ENDOG: variants seen among roughly 807,000 people sequenced by gnomAD.
The protein encoded by ENDOG is endonuclease G.
Under a neutral mutation model 22.6 loss-of-function variants are expected in ENDOG, and 22 were observed. That is an observed-to-expected ratio of 0.97 (90% confidence interval 0.70 to 1.39). ENDOG has a LOEUF of 1.39. Ranked by LOEUF, ENDOG falls within the 40% of genes most tolerant of loss-of-function variation. The pLI is 0.00. For missense variants in ENDOG, 403 were observed against 431.3 expected (o/e 0.93, Z 0.58); for synonymous variants, 173 against 200.2 (o/e 0.86, Z 1.15).
intron 2 of ENDOG, chr9:128,821,636 G>GGGGCTGAGAGGCAACAGGTCC (rs1830120593): frequency 6.4e-6 from 1 of 155,184 alleles, no homozygotes; most frequent in African/African-American, 2.4e-5. Flanking sequence ...GCAGAGGGCT[G>GGGGCTGAGAGGCAACAGGTCC]GGGCTGAGAG....
chr9:128,819,009 G>A lies in ENDOG; in HGVS notation c.325G>A (p.Asp109Asn). 4 of 1,484,088 alleles carry A rather than the reference G, an allele frequency of 2.7e-6. No homozygotes were observed. The highest frequency in any genetic ancestry group is 3.6e-6 in the Non-Finnish European group (4 of 1,125,302). 91.9% of individuals were successfully genotyped at this position (1,484,088 alleles called of 1,614,324 possible). A position where few individuals can be genotyped will look rare whatever the true frequency, so the allele number is the denominator to read the frequency against. Residue 109 changes from aspartate to asparagine, a missense_variant, in exon 1 of 3, where the codon GAC (aspartate) becomes AAC (asparagine). Physicochemically the swap from Asp to Asn is conservative, Grantham distance 23. Coordinates refer to ENST00000372642, the MANE Select transcript of ENDOG (RefSeq NM_004435.2). Reference protein sequence around the residue: ...LRPERLRGDGDRRECDFREDD... With the variant: ...LRPERLRGDGNRRECDFREDD... The stretch of plus-strand genomic sequence containing the variant: ...ACCCGAGCGTCTCCGCGGCGACGGC[G>A]ACCGGCGCGAGTGCGACTTCCGCGA...
intron 2 of ENDOG, 57 bp downstream of exon 2, chr9:128,820,905 C>A: frequency 6.8e-7 from 1 of 1,466,318 alleles, no homozygotes; most frequent in Non-Finnish European, 9.4e-7. Flanking sequence ...GCCCCTACTG[C>A]CACTCACAGG....
intron 2 of ENDOG, chr9:128,821,863 A>C (rs1284795005): frequency 5.4e-6 from 1 of 185,364 alleles, no homozygotes; most frequent in East Asian, 1.4e-4. Context: ...GGCACTGATC[A>C]AATTTCATTA....
At chr9:128,820,394 GGTTGGTA>G (rs1420470752) in intron 1 of ENDOG, 16 of 248,704 alleles carry the variant, frequency 6.4e-5, no homozygotes, top group Non-Finnish European at 1.2e-4. Context: ...AAAAGGAACG[GGTTGGTA>G]GTTGGAAGGG....
chr9:128,818,870 C>T lies in ENDOG; in HGVS notation c.186C>T (p.Gly62=), dbSNP rs1372832040. The change falls in exon 1 of 3, where the codon GGC becomes GGT. Residue 62 remains glycine, a synonymous_variant. Transcript: ENST00000372642. The part of the protein sequence containing the change: ...PPVPGGPRGP[G]ELAKYGLPGL... ...TGCCCGGGGGACCCCGCGGCCCGGG[C>T]GAGCTGGCCAAGTACGGGCTGCCGG... The T allele has an allele frequency of 2.1e-6, 3 of 1,431,050 alleles. No individual in the cohort carries two copies. Among genetic ancestry groups the T allele is most frequent in the East Asian group, 6.1e-5 (2 of 32,782 alleles). 88.6% of individuals were successfully genotyped at this position (1,431,050 alleles called of 1,614,324 possible).
intron 1 of ENDOG, 132 bp from the exon 2 acceptor site, chr9:128,820,607 G>A: frequency 1.4e-6 from 1 of 725,546 alleles, no homozygotes; most frequent in Non-Finnish European, 2.3e-6. Context: ...CATTCCTTGA[G>A]CCTCAGTTTC....
Position 128,822,470 on chromosome 9 carries a change from G to T in ENDOG, c.754G>T (p.Ala252Ser). 1 of 1,572,932 alleles carries T rather than the reference G, an allele frequency of 6.4e-7. No individual in the cohort carries two copies. Among genetic ancestry groups the T allele is most frequent in the Non-Finnish European group, 8.6e-7 (1 of 1,158,778 alleles). The part of the protein sequence containing the change: ...IELRTYVMPN[A>S]PVDEAIPLER... The stretch of plus-strand genomic sequence containing the variant: ...GCTCCGCACCTACGTGATGCCCAAC[G>T]CACCTGTGGATGAGGCCATCCCACT... The change falls in exon 3 of 3, where the codon GCA (alanine) becomes TCA (serine). Residue 252 changes from alanine (A) to serine (S), a missense_variant. Transcript: ENST00000372642.
intron 1 of ENDOG, 188 bp from the exon 2 acceptor site, chr9:128,820,551 G>C (rs745414677): frequency 1.7e-5 from 10 of 594,172 alleles, no homozygotes; most frequent in Non-Finnish European, 2.7e-5. Flanking sequence ...GGGACAGAGG[G>C]TGGTGGCTAG....
Position 128,818,808 on chromosome 9 carries a change from G to T in ENDOG, c.124G>T (p.Val42Leu). The change falls in exon 1 of 3, where the codon GTG (valine) becomes TTG (leucine). Residue 42 changes from valine (V) to leucine (L), a missense_variant. Val to Leu is a conservative substitution (Grantham distance 32, BLOSUM62 1). Coordinates refer to ENST00000372642, the MANE Select transcript of ENDOG (RefSeq NM_004435.2). ...GCCGGGACTGCTGGGCCGGCTGCCC[G>T]TGCTGCCCGTGGCGGCGGCAGCCGA... ...AAPGLLGRLP[V>L]LPVAAAAELP... The T allele has an allele frequency of 3.9e-6, 5 of 1,278,458 alleles. No individual in the cohort carries two copies. The highest frequency in any genetic ancestry group is 3.9e-6 in the Non-Finnish European group (4 of 1,013,316). The allele number at this position is 1,278,458 out of a possible 1,614,324, so 79.2% of individuals were successfully genotyped here. A position where few individuals can be genotyped will look rare whatever the true frequency, so the allele number is the denominator to read the frequency against.
At position 128,818,950 on chromosome 9, in the gene ENDOG, C is replaced by G; in HGVS notation, c.266C>G (p.Thr89Ser). 1.3e-6 allele frequency: 2 copies of G among 1,492,674 alleles called. No homozygotes were observed. The highest frequency in any genetic ancestry group is 2.5e-5 in the South Asian group (2 of 79,838). 92.5% of individuals were successfully genotyped at this position (1,492,674 alleles called of 1,614,324 possible). ...TACGTGCTGTGCTACGACCCGCGCA[C>G]CCGCGGCGCGCTCTGGGTGGTGGAG... ...ESYVLCYDPR[T>S]RGALWVVEQL... Residue 89 changes from threonine (T) to serine (S), a missense_variant, in exon 1 of 3, where the codon ACC becomes AGC. Thr to Ser is a moderately conservative substitution (Grantham distance 58, BLOSUM62 1). Transcript: ENST00000372642.
intron 2 of ENDOG, chr9:128,821,192 T>G: frequency 1.3e-5 from 4 of 306,294 alleles, no homozygotes; most frequent in Non-Finnish European, 2.5e-5. Context: ...CTCTCCCACC[T>G]TCCCCCCGCA....
intron 2 of ENDOG, 35 bp from the exon 3 acceptor site, chr9:128,822,293 G>C: frequency 6.3e-7 from 1 of 1,599,734 alleles, no homozygotes; most frequent in Non-Finnish European, 8.5e-7. Context: ...GTTCATCCAG[G>C]CCCCCTGCCC....
chr9:128,819,507 G>A (rs912461762), intron 1 of ENDOG: 3 of 337,356 alleles, frequency 8.9e-6, no homozygotes, highest in Non-Finnish European at 1.6e-5. Context: ...GCAAAGTGAC[G>A]GGCACAGTGT....
intron 1 of ENDOG, chr9:128,820,211 T>G (rs1009107197): frequency 3.2e-5 from 5 of 154,138 alleles, no homozygotes; most frequent in African/African-American, 1.2e-4. Context: ...CACCAATGGA[T>G]GGAGACTGCC....
At position 128,818,808 on chromosome 9, in the gene ENDOG, G is replaced by A. The variant is rs1327013077; in HGVS notation, c.124G>A (p.Val42Met). 9.4e-6 allele frequency: 12 copies of A among 1,278,350 alleles called. No homozygotes were observed. Among genetic ancestry groups the A allele is most frequent in the African/African-American group, 3.1e-5 (2 of 63,932 alleles). 79.2% of individuals were successfully genotyped at this position (1,278,350 alleles called of 1,614,324 possible). The change falls in exon 1 of 3, where the codon GTG (valine) becomes ATG (methionine). Residue 42 changes from valine to methionine, a missense_variant. Transcript: ENST00000372642. ...AAPGLLGRLP[V>M]LPVAAAAELP... ...GCCGGGACTGCTGGGCCGGCTGCCC[G>A]TGCTGCCCGTGGCGGCGGCAGCCGA...
At chr9:128,820,971 T>C in intron 2 of ENDOG, 123 bp downstream of exon 2, 1 of 849,508 alleles carries the variant, frequency 1.2e-6, no homozygotes. Context: ...TCTGGTTTCT[T>C]GGCAAGCCTG....
At chr9:128,819,288 C>T (rs1477545227) in intron 1 of ENDOG, 103 bp downstream of exon 1, 4 of 1,362,228 alleles carry the variant, frequency 2.9e-6, no homozygotes, top group African/African-American at 3.1e-5. Flanking sequence ...GCCCAACGCG[C>T]CCCCGGTCAG....
rs146543002 is a variant in ENDOG at position 128,822,468 on chromosome 9, A to G, written c.752A>G (p.Asn251Ser). 198 of 1,574,058 alleles carry G rather than the reference A, an allele frequency of 1.3e-4. No homozygotes were observed. In the East Asian group the frequency reaches 4.3e-3, roughly 34 times the overall value. ...QIELRTYVMP[N>S]APVDEAIPLE... ...GAGCTCCGCACCTACGTGATGCCCA[A>G]CGCACCTGTGGATGAGGCCATCCCA... The change falls in exon 3 of 3, where the codon AAC (asparagine) becomes AGC (serine). Residue 251 changes from asparagine to serine, a missense_variant. Asn to Ser is a conservative substitution (Grantham distance 46, BLOSUM62 1). Transcript: ENST00000372642.
At position 128,820,792 on chromosome 9, in the gene ENDOG, C is replaced by A. The variant is rs114639346; in HGVS notation, c.555C>A (p.Ser185Arg). 1.1e-3 allele frequency: 1,827 copies of A among 1,612,560 alleles called. 42 individuals are homozygous for A. In the East Asian group the frequency reaches 0.037, roughly 33 times the overall value. The change falls in exon 2 of 3, where the codon AGC (serine) becomes AGA (arginine). Residue 185 changes from serine (S) to arginine (R), a missense_variant. By Grantham distance (110) the Ser-to-Arg change is moderately radical. Transcript: ENST00000372642. ...ACAACCTGGAGAAATATAGCCGCAG[C>A]TTGACCCGCAGCTACCAAAACGTCT... ...AWNNLEKYSR[S>R]LTRSYQNVYV...
Sources: gnomAD v4.1 joint callset for allele counts on GRCh38, gnomAD v4.1.1 for gene constraint, MANE v1.5 for transcripts, NCBI Gene and HGNC (gene_info 2026-07-23, HGNC 2026-07-21) for gene names.